SNTG1: variants seen among roughly 807,000 people sequenced by gnomAD.
The protein encoded by SNTG1 is syntrophin gamma 1, also known as gamma-1-syntrophin.
Under a neutral mutation model 74.7 loss-of-function variants are expected in SNTG1, and 39 were observed. That is an observed-to-expected ratio of 0.52 (90% confidence interval 0.40 to 0.68). The LOEUF (loss-of-function observed/expected upper bound fraction) is 0.68, where lower values mean the gene tolerates loss of function less well. SNTG1 is among the 30% of genes least tolerant of loss of function. SNTG1 has a pLI of 0.00. For synonymous variants in SNTG1, 254 were observed against 217.1 expected (o/e 1.17, Z -1.49); for missense variants, 685 against 609.5 (o/e 1.12, Z -1.30).
chr8:50,258,215 G>A (rs1364526655), intron 2 of SNTG1, among the ~76,000 whole-genome samples: 1 of 152,218 alleles, frequency 6.6e-6, no homozygotes, highest in African/African-American at 2.4e-5. Context: ...TCCGAAAGCA[G>A]TTTCACTGAT....
At chr8:50,126,817 G>T (rs904435672) in intron 1 of SNTG1, among the ~76,000 whole-genome samples, 1 of 152,050 alleles carries the variant, frequency 6.6e-6, no homozygotes, top group Admixed American at 6.6e-5. Context: ...AGCTATATGG[G>T]CCAGTAAAGG....
chr8:50,268,508 A>G (rs962816708), intron 2 of SNTG1, among the ~76,000 whole-genome samples: 13 of 152,182 alleles, frequency 8.5e-5, no homozygotes, highest in Admixed American at 1.3e-4. Flanking sequence ...TAAAGTGAGA[A>G]GAATCACTCT....
chr8:50,765,181 G>A (rs1354497345), intron 18 of SNTG1, among the ~76,000 whole-genome samples: 1 of 151,996 alleles, frequency 6.6e-6, no homozygotes, highest in Non-Finnish European at 1.5e-5. Flanking sequence ...TATCTGAGGG[G>A]AAAAATGCCC....
Position 50,641,565 on chromosome 8 carries a change from T to C in SNTG1, c.850-15344T>C, listed in dbSNP as rs187847026. ...TTTAAAAGACAGGCTATATCTACTG[T>C]CTCCAATTAGCCTCCTTCCCTTCTC... On this transcript the variant is annotated intron_variant, in intron 13 of 18. Coordinates refer to ENST00000642720, the MANE Select transcript of SNTG1 (RefSeq NM_018967.5). 1.7e-3 allele frequency among the ~76,000 whole-genome samples: 261 copies of C among 152,320 alleles called. 6 individuals are homozygous for C. The highest frequency in any genetic ancestry group is 0.017 in the Admixed American group (253 of 15,298).
chr8:49,971,969 C>T (rs1811727575), intron 1 of SNTG1, among the ~76,000 whole-genome samples: 2 of 152,124 alleles, frequency 1.3e-5, no homozygotes, highest in African/African-American at 4.8e-5. Context: ...CAATGCCATC[C>T]CCATCAAGCT....
At chr8:50,522,871 C>T (rs996894391) in intron 9 of SNTG1, among the ~76,000 whole-genome samples, 17 of 152,294 alleles carry the variant, frequency 1.1e-4, no homozygotes, top group African/African-American at 3.6e-4. Flanking sequence ...GCCACTGTAC[C>T]TGGCTTGACT....
chr8:50,449,427 A>C (rs1324965375), intron 5 of SNTG1, among the ~76,000 whole-genome samples: 1 of 152,204 alleles, frequency 6.6e-6, no homozygotes, highest in African/African-American at 2.4e-5. Flanking sequence ...TACATAATCA[A>C]TATTTGTTGA....
intron 2 of SNTG1, among the ~76,000 whole-genome samples, chr8:50,239,799 T>A (rs1225918284): frequency 6.6e-6 from 1 of 152,226 alleles, no homozygotes; most frequent in Non-Finnish European, 1.5e-5. Context: ...GCTTATGCTA[T>A]TGTTTCATTT....
chr8:50,768,633 C>T (rs1563821454), intron 18 of SNTG1, among the ~76,000 whole-genome samples: 4 of 152,026 alleles, frequency 2.6e-5, no homozygotes, highest in Non-Finnish European at 5.9e-5. Context: ...GTGACTCTAT[C>T]TGGTATCTGA....
chr8:50,383,086 C>T (rs1337487553), intron 2 of SNTG1, among the ~76,000 whole-genome samples: 6 of 152,160 alleles, frequency 3.9e-5, no homozygotes, highest in Admixed American at 3.9e-4. Context: ...GATTAATGCG[C>T]AATTAAATAA....
At chr8:50,470,673 G>A (rs1452440790) in intron 8 of SNTG1, among the ~76,000 whole-genome samples, 2 of 152,136 alleles carry the variant, frequency 1.3e-5, no homozygotes, top group Admixed American at 6.5e-5. Flanking sequence ...CATTCATCCT[G>A]GTGGGTTCGT....
chr8:50,110,417 C>T (rs1479901879), intron 1 of SNTG1, among the ~76,000 whole-genome samples: 1 of 152,144 alleles, frequency 6.6e-6, no homozygotes, highest in Non-Finnish European at 1.5e-5. Context: ...CCATCATCAG[C>T]CTTCCTGGAA....
In SNTG1 at chr8:50,625,951, C is replaced by T. The variant is rs80268050; in HGVS notation, c.850-30958C>T. Reference sequence around the variant, plus strand: ...TGGACACCCCATGTGTGCTTTCCTTCCCAGTGAGACTATGGTGGTGGATTT... The same window carrying T: ...TGGACACCCCATGTGTGCTTTCCTTTCCAGTGAGACTATGGTGGTGGATTT... On this transcript the variant is annotated intron_variant, in intron 13 of 18. Transcript: ENST00000642720. Among the ~76,000 whole-genome samples, 737 of 152,274 alleles carry T rather than the reference C, an allele frequency of 4.8e-3. 6 individuals are homozygous for T. The highest frequency in any genetic ancestry group is 0.017 in the African/African-American group (690 of 41,562).
intron 4 of SNTG1, among the ~76,000 whole-genome samples, chr8:50,413,096 C>T (rs777978553): frequency 4.5e-4 from 69 of 152,052 alleles, no homozygotes; most frequent in Admixed American, 1.2e-3. Context: ...ACATTGCTCA[C>T]GTTTGTGATT....
intron 2 of SNTG1, among the ~76,000 whole-genome samples, chr8:50,283,051 A>G (rs2088567739): frequency 6.6e-6 from 1 of 152,208 alleles, no homozygotes; most frequent in Non-Finnish European, 1.5e-5. Flanking sequence ...ATTTTACCGT[A>G]TTGCTCCAAG....
At chr8:50,170,474 TA>T (rs1046906707) in intron 1 of SNTG1, among the ~76,000 whole-genome samples, 13 of 151,554 alleles carry the variant, frequency 8.6e-5, no homozygotes, top group Admixed American at 2.0e-4. Context: ...TCATGTAAAT[TA>T]AAAAAAAATC....
At chr8:50,422,263 TCTATCTA>T (rs200253561) in intron 4 of SNTG1, among the ~76,000 whole-genome samples, 45 of 3,456 alleles carry the variant, frequency 0.013, no homozygotes, top group South Asian at 0.5. Context: ...TATCTATCTA[TCTATCTA>T]CTATCTATCT....
chr8:50,536,847 GA>G (rs748747489), intron 11 of SNTG1, 39 bp downstream of exon 11: 3 of 1,599,496 alleles, frequency 1.9e-6, no homozygotes, highest in East Asian at 2.2e-5. Flanking sequence ...TTTTGTTTAT[GA>G]AAAAAGAGAC....
At chr8:50,114,157 G>T (rs920603434) in intron 1 of SNTG1, among the ~76,000 whole-genome samples, 2 of 151,966 alleles carry the variant, frequency 1.3e-5, no homozygotes, top group Non-Finnish European at 2.9e-5. Context: ...CATTTACTTT[G>T]ATTTATATTA....
Sources: allele counts gnomAD v4.1 joint callset (sites outside exome capture counted in the v4.1 genomes callset), GRCh38; gene constraint gnomAD v4.1.1; transcripts MANE v1.5; gene names NCBI Gene and HGNC (gene_info 2026-07-23, HGNC 2026-07-21).